Variants in OPTC observed in about 807,000 individuals in gnomAD.
The protein encoded by OPTC is oculoglycan.
In OPTC, 22 loss-of-function variants were observed where a neutral mutation model predicts 25.4. The observed-to-expected ratio is 0.87, with a 90% CI of 0.62 to 1.24. The LOEUF (loss-of-function observed/expected upper bound fraction) is 1.24, where lower values mean the gene tolerates loss of function less well. Among genes scored for constraint, OPTC ranks in the 50% most tolerant of loss-of-function variants. The pLI, the probability that OPTC is intolerant of heterozygous loss-of-function variation, is 0.00. For synonymous variants in OPTC, 169 were observed against 179.3 expected, an observed-to-expected ratio of 0.94 and a Z score of 0.46; for missense variants, 417 against 425.2, an observed-to-expected ratio of 0.98 and a Z score of 0.17.
chr1:203,504,587 C>T (rs1558240170), intron 7 of OPTC, among the ~76,000 whole-genome samples: 1 of 152,208 alleles, frequency 6.6e-6, no homozygotes, highest in Non-Finnish European at 1.5e-5. Context: ...GCACACCATC[C>T]TACTGGGGCT....
At chr1:203,505,824 G>A (rs1661471777) in intron 7 of OPTC, among the ~76,000 whole-genome samples, 1 of 152,188 alleles carries the variant, frequency 6.6e-6, no homozygotes, top group South Asian at 2.1e-4. Context: ...AGTGAGCCAA[G>A]GGCCCCTTGA....
chr1:203,494,445 C>T (rs558388641), intron 1 of OPTC, among the ~76,000 whole-genome samples: 2 of 152,196 alleles, frequency 1.3e-5, no homozygotes, highest in African/African-American at 4.8e-5. Flanking sequence ...ACACCTCTTG[C>T]TACTGCTAGA....
intron 1 of OPTC, 119 bp downstream of exon 1, chr1:203,494,336 T>A (rs886172608): frequency 2.6e-5 from 4 of 152,200 alleles, no homozygotes; most frequent in African/African-American, 9.6e-5. Context: ...CCAAAGAAGT[T>A]GGACAAGACT....
chr1:203,506,747 T>A (rs780987913), intron 7 of OPTC, among the ~76,000 whole-genome samples: 7 of 152,162 alleles, frequency 4.6e-5, no homozygotes, highest in Non-Finnish European at 8.8e-5. Context: ...GAAACAGGCT[T>A]CTGAAAGGGG....
At chr1:203,506,707 A>G (rs1264567713) in intron 7 of OPTC, among the ~76,000 whole-genome samples, 3 of 152,194 alleles carry the variant, frequency 2.0e-5, no homozygotes, top group African/African-American at 7.2e-5. Flanking sequence ...CCTAGTGAGT[A>G]GGGATGCTCA....
At chr1:203,503,200 C>T (rs897816503) in intron 6 of OPTC, among the ~76,000 whole-genome samples, 191 bp downstream of exon 6, 6 of 152,138 alleles carry the variant, frequency 3.9e-5, no homozygotes, top group Non-Finnish European at 7.4e-5. Flanking sequence ...GTTTGATTTT[C>T]TCCATTTTTT....
chr1:203,498,752 ATTC>A lies in OPTC; in HGVS notation c.443_445del (p.Ile148_Pro149delinsThr), dbSNP rs1221473961. 1.2e-5 allele frequency: 20 copies of A among 1,613,940 alleles called. No homozygotes were observed. The highest frequency in any genetic ancestry group is 1.6e-5 in the Non-Finnish European group (19 of 1,179,952). On this transcript the variant is annotated inframe_deletion, in exon 4 of 8. Transcript: ENST00000367222. ...TTGCGATGACATTGACCTAGAGGAC[ATTC>A]CTCCTCTTCCTCGGAGGACTGCCTA...
intron 2 of OPTC, 74 bp downstream of exon 2, chr1:203,496,310 C>G: frequency 9.1e-7 from 1 of 1,103,620 alleles, no homozygotes; most frequent in Admixed American, 1.8e-5. Context: ...TCCCATCTGC[C>G]CCAAAGTGCG....
At chr1:203,506,300 C>T (rs1166011216) in intron 7 of OPTC, among the ~76,000 whole-genome samples, 16 of 151,772 alleles carry the variant, frequency 1.1e-4, no homozygotes, top group African/African-American at 2.9e-4. Flanking sequence ...TACAGGCATG[C>T]GCCACCACAC....
At position 203,504,019 on chromosome 1, in the gene OPTC, C is replaced by T. The variant is rs116256780; in HGVS notation, c.*25+274C>T. On this transcript the variant is annotated intron_variant, in intron 7 of 7. Transcript: ENST00000367222. ...TGCAGTGGAGCTCTTTTCCATATTC[C>T]CCATCTCTTGCACCCACACAGAATG... Among the ~76,000 whole-genome samples, 80 of 152,196 alleles carry T rather than the reference C, an allele frequency of 5.3e-4. 1 individual carries two copies. Among genetic ancestry groups the T allele is most frequent in the South Asian group, 4.4e-3 (21 of 4,824 alleles).
intron 1 of OPTC, among the ~76,000 whole-genome samples, chr1:203,494,900 G>A (rs1661253603): frequency 6.6e-6 from 1 of 152,096 alleles, no homozygotes; most frequent in Admixed American, 6.5e-5. Flanking sequence ...AGGCATCTGT[G>A]TGCACACACA....
At chr1:203,501,724 G>C (rs1165715100) in intron 5 of OPTC, among the ~76,000 whole-genome samples, 1 of 152,186 alleles carries the variant, frequency 6.6e-6, no homozygotes, top group Non-Finnish European at 1.5e-5. Context: ...TCTCCTGTCT[G>C]CAGTGGTCTT....
At chr1:203,502,786 C>T (rs910494608) in intron 5 of OPTC, 128 bp from the exon 6 acceptor site, 15 of 754,746 alleles carry the variant, frequency 2.0e-5, no homozygotes, top group Middle Eastern at 2.3e-4. Context: ...CAGAGCTTGG[C>T]GCATGGCTGA....
intron 5 of OPTC, among the ~76,000 whole-genome samples, chr1:203,500,428 C>T (rs1308310225): frequency 6.8e-6 from 1 of 146,494 alleles, no homozygotes; most frequent in African/African-American, 2.5e-5. Context: ...CTGCCACCAC[C>T]ACCACCCACC....
rs760845339 is a variant in OPTC at position 203,502,980 on chromosome 1, C to T, written c.799C>T (p.Pro267Ser). The T allele has an allele frequency of 1.9e-6, 3 of 1,613,774 alleles. No homozygotes were observed. The highest frequency in any genetic ancestry group is 2.5e-6 in the Non-Finnish European group (3 of 1,180,004). Residue 267 changes from proline to serine, a missense_variant, in exon 6 of 8, where the codon CCC becomes TCC. Coordinates refer to ENST00000367222, the MANE Select transcript of OPTC (RefSeq NM_014359.4). ...NLLDSIPGPL[P>S]LSLRSVHLQN... ...GCTGGATTCTATCCCGGGGCCTTTGCCCCTGAGCCTGCGCTCTGTACACCT... is the reference window on the plus strand; with the variant it reads ...GCTGGATTCTATCCCGGGGCCTTTGTCCCTGAGCCTGCGCTCTGTACACCT...
At chr1:203,500,098 C>A (rs375334632) in intron 5 of OPTC, among the ~76,000 whole-genome samples, 17 of 14,284 alleles carry the variant, frequency 1.2e-3, no homozygotes, top group South Asian at 2.2e-3. Context: ...CCACCCACCT[C>A]CACCACCTAC....
rs1558239316 is a variant in OPTC, at chr1:203,502,932, T to C, written c.751T>C (p.Phe251Leu). 6.2e-7 allele frequency: 1 copy of C among 1,613,926 alleles called. No homozygotes were observed. The highest frequency in any genetic ancestry group is 1.1e-5 in the South Asian group (1 of 91,088). The change falls in exon 6 of 8, where the codon TTC becomes CTC. Residue 251 changes from phenylalanine (F) to leucine (L), a missense_variant. Physicochemically the swap from Phe to Leu is conservative, Grantham distance 22 (BLOSUM62 0). Coordinates refer to ENST00000367222, the MANE Select transcript of OPTC (RefSeq NM_014359.4). ...AAFRAMEKLQ[F>L]LYLSDNLLDS... is the part of the protein sequence containing the mutation. ...TCCACAGGCAATGGAGAAGCTGCAGTTCCTTTACCTGTCAGACAACCTGCT... is the reference window on the plus strand; with the variant it reads ...TCCACAGGCAATGGAGAAGCTGCAGCTCCTTTACCTGTCAGACAACCTGCT...
intron 7 of OPTC, among the ~76,000 whole-genome samples, chr1:203,506,156 T>TC (rs201936113): frequency 1.0e-4 from 15 of 150,332 alleles, no homozygotes; most frequent in South Asian, 8.4e-4. Flanking sequence ...TTTTTTCTTT[T>TC]TTTTTTTTTT....
rs1465842902 is a variant in OPTC, at chr1:203,502,985, G to A, written c.804G>A (p.Leu268=). Residue 268 remains leucine, a synonymous_variant, in exon 6 of 8, where the codon CTG becomes CTA. Coordinates refer to ENST00000367222, the MANE Select transcript of OPTC (RefSeq NM_014359.4). The stretch of plus-strand genomic sequence containing the variant: ...ATTCTATCCCGGGGCCTTTGCCCCT[G>A]AGCCTGCGCTCTGTACACCTGCAGG... ...LLDSIPGPLP[L]SLRSVHLQNN... is the part of the protein sequence containing the mutation. 6.2e-7 allele frequency: 1 copy of A among 1,613,884 alleles called. No individual in the cohort carries two copies. Among genetic ancestry groups the A allele is most frequent in the Non-Finnish European group, 8.5e-7 (1 of 1,179,986 alleles).
Sources: gnomAD v4.1 joint callset for allele counts (sites outside exome capture counted in the v4.1 genomes callset) on GRCh38, gnomAD v4.1.1 for gene constraint, MANE v1.5 for transcripts, NCBI Gene and HGNC (gene_info 2026-07-23, HGNC 2026-07-21) for gene names.